The following CTNNA1 variants were observed in gnomAD, a reference collection of about 807,000 sequenced individuals.
The protein encoded by CTNNA1 is catenin alpha-1.
In CTNNA1, 37 loss-of-function variants were observed where a neutral mutation model predicts 98.4. That is an observed-to-expected ratio of 0.38 (90% CI 0.29 to 0.49). The LOEUF (loss-of-function observed/expected upper bound fraction) is 0.49. Ranked by LOEUF, CTNNA1 falls within the 20% of genes least tolerant of loss-of-function variation. CTNNA1 has a pLI of 0.95. For missense variants in CTNNA1, 761 were observed against 1,147.2 expected, an observed-to-expected ratio of 0.66 and a Z score of 4.86; for synonymous variants, 404 against 413.2, an observed-to-expected ratio of 0.98 and a Z score of 0.27.
intron 13 of CTNNA1, among the ~76,000 whole-genome samples, chr5:138,928,007 A>G (rs1764502564): frequency 6.6e-6 from 1 of 151,056 alleles, no homozygotes. Context: ...TTCTCACCTC[A>G]TCAAGGGACA....
intron 10 of CTNNA1, among the ~76,000 whole-genome samples, chr5:138,905,890 G>C (rs932325601): frequency 1.3e-5 from 2 of 152,212 alleles, no homozygotes; most frequent in African/African-American, 4.8e-5. Context: ...TACATGTCCT[G>C]CCAGAAGGCA....
chr5:138,777,542 C>T (rs1471585650), intron 1 of CTNNA1, among the ~76,000 whole-genome samples: 2 of 151,846 alleles, frequency 1.3e-5, no homozygotes, highest in East Asian at 2.0e-4. Context: ...GCCGAGATCA[C>T]GCCACTGCAC....
chr5:138,873,457 A>G lies in CTNNA1; in HGVS notation c.1063-12755A>G. The G allele has an allele frequency of 6.2e-7, 1 of 1,614,024 alleles. No individual in the cohort carries two copies. Among genetic ancestry groups the G allele is most frequent in the Non-Finnish European group, 8.5e-7 (1 of 1,179,890 alleles). On this transcript the variant is annotated intron_variant, in intron 7 of 17. Transcript: ENST00000302763. This position sits in a 1 kb window ranked among gnomAD's most constrained non-coding sequence, Gnocchi z 6.1. The stretch of plus-strand genomic sequence containing the variant: ...GATCTCTATAAGTTGTAGCCATGAC[A>G]GTGACAGTGGTTGACAAATTCCAGC...
intron 7 of CTNNA1, among the ~76,000 whole-genome samples, chr5:138,864,018 A>G (rs911998744): frequency 6.6e-6 from 1 of 152,162 alleles, no homozygotes; most frequent in African/African-American, 2.4e-5. Flanking sequence ...GCTGGAGTGC[A>G]GTGGCACGAT....
At chr5:138,805,059 A>G in intron 3 of CTNNA1, among the ~76,000 whole-genome samples, 1 of 152,126 alleles carries the variant, frequency 6.6e-6, no homozygotes, top group East Asian at 1.9e-4. Flanking sequence ...GGGGAGGAGC[A>G]AGAGAGGGGG....
At chr5:138,789,189 C>T (rs3827599) in intron 3 of CTNNA1, among the ~76,000 whole-genome samples, 9 of 11,002 alleles carry the variant, frequency 8.2e-4, no homozygotes, top group South Asian at 0.01. Context: ...TCCTGTTTTT[C>T]CCCCCCCCCA....
At chr5:138,780,294 A>G (rs941475481) in intron 1 of CTNNA1, among the ~76,000 whole-genome samples, 1 of 150,800 alleles carries the variant, frequency 6.6e-6, no homozygotes, top group East Asian at 2.0e-4. Context: ...GGTTCACGCC[A>G]TTTTCCTGCC....
intron 7 of CTNNA1, among the ~76,000 whole-genome samples, chr5:138,838,538 T>G (rs1761998863): frequency 6.6e-6 from 1 of 152,136 alleles, no homozygotes; most frequent in Admixed American, 6.5e-5. Flanking sequence ...TAATTTTTTT[T>G]TCCTCTAATA....
chr5:138,786,025 A>AC (rs902149635), intron 3 of CTNNA1, among the ~76,000 whole-genome samples: 1 of 151,384 alleles, frequency 6.6e-6, no homozygotes, highest in Non-Finnish European at 1.5e-5. Flanking sequence ...TGCTCCCCAA[A>AC]CCCCCCACAA....
intron 4 of CTNNA1, among the ~76,000 whole-genome samples, chr5:138,811,579 G>A (rs1322383638): frequency 3.3e-5 from 5 of 152,100 alleles, no homozygotes; most frequent in Middle Eastern, 3.4e-3. Flanking sequence ...CTGGGAGGTG[G>A]AGGTTGTAGC....
At chr5:138,881,180 G>A (rs548831379) in intron 7 of CTNNA1, 21 of 452,870 alleles carry the variant, frequency 4.6e-5, no homozygotes, top group African/African-American at 2.8e-4. Context: ...TGCTTGTTGC[G>A]TTTGTCTGTG....
chr5:138,919,689 A>C (rs1762508842), intron 11 of CTNNA1, among the ~76,000 whole-genome samples: 1 of 152,222 alleles, frequency 6.6e-6, no homozygotes, highest in African/African-American at 2.4e-5. Context: ...ATCATGGAAC[A>C]ATTCTTTCAG....
rs1764772528 is a variant in CTNNA1, at chr5:138,866,299, T to TTTATTTAG, written c.1063-19906_1063-19905insGTTATTTA. ...ATTTATTTATTTATTTATTTATTTA[T>TTTATTTAG]TTATTTATTTATTTATTTATTTATT... is the stretch of plus-strand genomic sequence containing the variant. On this transcript the variant is annotated intron_variant, in intron 7 of 17. Coordinates refer to ENST00000302763, the MANE Select transcript of CTNNA1 (RefSeq NM_001903.5). Among the ~76,000 whole-genome samples the TTTATTTAG allele has an allele frequency of 2.0e-5, 3 of 148,360 alleles. No individual in the cohort carries two copies. In the South Asian group the frequency reaches 6.3e-4, roughly 31 times the overall value.
intron 7 of CTNNA1, among the ~76,000 whole-genome samples, chr5:138,841,176 C>A (rs1255357537): frequency 6.6e-6 from 1 of 152,202 alleles, no homozygotes; most frequent in Non-Finnish European, 1.5e-5. Context: ...TTGTTCATAT[C>A]TGATGACTGC....
intron 1 of CTNNA1, among the ~76,000 whole-genome samples, chr5:138,761,562 A>G (rs1752374811): frequency 6.6e-6 from 1 of 151,760 alleles, no homozygotes; most frequent in African/African-American, 2.4e-5. Context: ...TATACGAGAG[A>G]GTGAATTTTA....
rs907388859 is a variant in CTNNA1, at chr5:138,929,269, T to C, written c.1923T>C (p.Ser641=). The change falls in exon 14 of 18, where the codon TCT becomes TCC. Residue 641 remains serine (S), a synonymous_variant. Transcript: ENST00000302763. ...MIRTPEELDD[S]DFETEDFDVR... ...AGACCCCTGAGGAGTTGGATGACTC[T>C]GACTTTGAGACAGAAGATTTTGATG... 1.0e-5 allele frequency: 16 copies of C among 1,607,020 alleles called. No individual in the cohort carries two copies. The highest frequency in any genetic ancestry group is 1.7e-5 in the Admixed American group (1 of 59,994).
chr5:138,825,482 G>GTTGTTTTTTTTTTTTTTTT (rs1554085135), intron 6 of CTNNA1, among the ~76,000 whole-genome samples: 1 of 74,114 alleles, frequency 1.3e-5, no homozygotes, highest in African/African-American at 5.8e-5. Flanking sequence ...AGCAGTATAA[G>GTTGTTTTTTTTTTTTTTTT]TTTTTTTTTT....
intron 9 of CTNNA1, among the ~76,000 whole-genome samples, chr5:138,900,394 ATTAAT>A (rs1029614653): frequency 5.9e-5 from 9 of 151,944 alleles, no homozygotes; most frequent in Admixed American, 4.6e-4. Flanking sequence ...AGAGTCAGTC[ATTAAT>A]TTATTATCAA....
chr5:138,919,388 A>G (rs1226433540), intron 11 of CTNNA1, among the ~76,000 whole-genome samples: 1 of 152,188 alleles, frequency 6.6e-6, no homozygotes, highest in Non-Finnish European at 1.5e-5. Context: ...GCTTGGTCTC[A>G]AGGGATTTTC....
Sources: allele counts gnomAD v4.1 joint callset (sites outside exome capture counted in the v4.1 genomes callset), GRCh38; gene constraint gnomAD v4.1.1; non-coding constraint Gnocchi (gnomAD v3.1); transcripts MANE v1.5; gene names NCBI Gene and HGNC (gene_info 2026-07-23, HGNC 2026-07-21).